The following RORA variants were observed in gnomAD, a reference collection of about 807,000 sequenced individuals.
RORA encodes the protein nuclear receptor ROR-alpha.
A neutral mutation model predicts 69.5 loss-of-function variants in RORA; 7 were observed. That is an observed-to-expected ratio of 0.10 (90% CI 0.06 to 0.19). RORA has a LOEUF of 0.19. Ranked by LOEUF, RORA falls within the 10% of genes least tolerant of loss-of-function variation. The pLI, the probability that RORA is intolerant of heterozygous loss-of-function variation, is 1.00. For missense variants in RORA, 457 were observed against 663.0 expected, an observed-to-expected ratio of 0.69 and a Z score of 3.41; for synonymous variants, 261 against 240.8, an observed-to-expected ratio of 1.08 and a Z score of -0.78.
intron 1 of RORA, among the ~76,000 whole-genome samples, chr15:60,686,553 C>T (rs2070751920): frequency 6.6e-6 from 1 of 152,180 alleles, no homozygotes; most frequent in African/African-American, 2.4e-5. Context: ...GAGGTGTGAA[C>T]TGATATCAAC....
At chr15:61,096,118 C>T (rs1265701443) in intron 1 of RORA, among the ~76,000 whole-genome samples, 1 of 152,166 alleles carries the variant, frequency 6.6e-6, no homozygotes, top group Non-Finnish European at 1.5e-5. Context: ...ATGAGGAAGG[C>T]AAGACCCCAT....
intron 1 of RORA, among the ~76,000 whole-genome samples, chr15:61,093,289 T>C (rs781674372): frequency 3.3e-5 from 5 of 152,226 alleles, no homozygotes; most frequent in Non-Finnish European, 7.3e-5. Flanking sequence ...TATGAACGCA[T>C]TAGGTGCCAC....
chr15:60,767,773 A>G (rs1409814267), intron 1 of RORA, among the ~76,000 whole-genome samples: 1 of 152,222 alleles, frequency 6.6e-6, no homozygotes, highest in Non-Finnish European at 1.5e-5. Flanking sequence ...CAAAACCAAG[A>G]ATAATTGTTA....
chr15:61,059,950 GA>G, intron 1 of RORA, among the ~76,000 whole-genome samples: 1 of 137,522 alleles, frequency 7.3e-6, no homozygotes, highest in African/African-American at 2.8e-5. Context: ...AGAAGAAGAA[GA>G]AGAAGAAGAA....
chr15:60,502,438 C>T (rs1398537119), intron 8 of RORA, among the ~76,000 whole-genome samples: 1 of 152,086 alleles, frequency 6.6e-6, no homozygotes, highest in Non-Finnish European at 1.5e-5. Flanking sequence ...AGCTCACATC[C>T]TAAAGGTCAT....
chr15:61,078,439 TC>T (rs1024777886), intron 1 of RORA, among the ~76,000 whole-genome samples: 2 of 151,896 alleles, frequency 1.3e-5, no homozygotes, highest in African/African-American at 4.8e-5. Context: ...CCTCAAGTGA[TC>T]CGCTTGCCTT....
rs748747176 is a variant in RORA at position 61,059,932 on chromosome 15, GAAC to G, written c.166+169118_166+169120del. Among the ~76,000 whole-genome samples, 877 of 99,702 alleles carry G rather than the reference GAAC, an allele frequency of 8.8e-3. 12 individuals are homozygous for G. Among genetic ancestry groups the G allele is most frequent in the South Asian group, 0.016 (43 of 2,686 alleles). 65.4% of individuals were successfully genotyped at this position (99,702 alleles called of 152,430 possible). A position where few individuals can be genotyped will look rare whatever the true frequency, so the allele number is the denominator to read the frequency against. Reference sequence around the variant, plus strand: ...CGAAGAAGAAGAAGAAGAAGAAGAAGAACAAGAAGAAGAAGAAGAAGAAGAAGA... The same window carrying G: ...CGAAGAAGAAGAAGAAGAAGAAGAAGAAGAAGAAGAAGAAGAAGAAGAAGA... On this transcript the variant is annotated intron_variant, in intron 1 of 10. Transcript: ENST00000335670.
chr15:60,934,485 GT>G (rs1402666857), intron 1 of RORA, among the ~76,000 whole-genome samples: 9 of 151,844 alleles, frequency 5.9e-5, no homozygotes, highest in East Asian at 5.8e-4. Context: ...TGTTGTTGTT[GT>G]TGTTGTTGTT....
At chr15:60,499,806 C>T in intron 10 of RORA, 86 bp downstream of exon 10, 1 of 721,968 alleles carries the variant, frequency 1.4e-6, no homozygotes, top group Non-Finnish European at 2.4e-6. Flanking sequence ...GGGAATTGGT[C>T]ATATGACTTA....
At chr15:60,825,735 G>T (rs1173085407) in intron 1 of RORA, among the ~76,000 whole-genome samples, 1 of 152,170 alleles carries the variant, frequency 6.6e-6, no homozygotes, top group Non-Finnish European at 1.5e-5. Context: ...GTGACATACA[G>T]GAATTGGGTT....
At chr15:60,750,947 C>T (rs913023866) in intron 1 of RORA, among the ~76,000 whole-genome samples, 2 of 152,142 alleles carry the variant, frequency 1.3e-5, no homozygotes, top group African/African-American at 4.8e-5. Context: ...ATGTCCCTCT[C>T]GTTACCCCAC....
intron 3 of RORA, among the ~76,000 whole-genome samples, chr15:60,520,610 C>A (rs1396643959): frequency 6.6e-6 from 1 of 151,778 alleles, no homozygotes; most frequent in Non-Finnish European, 1.5e-5. Flanking sequence ...AGAAATCCTG[C>A]AAAAGGATTA....
At chr15:60,933,677 G>T (rs1020031517) in intron 1 of RORA, among the ~76,000 whole-genome samples, 9 of 152,158 alleles carry the variant, frequency 5.9e-5, no homozygotes, top group Non-Finnish European at 7.3e-5. Context: ...TCATGCCAGG[G>T]TATACACATC....
At chr15:60,807,015 C>A (rs1244086424) in intron 1 of RORA, among the ~76,000 whole-genome samples, 1 of 152,012 alleles carries the variant, frequency 6.6e-6, no homozygotes, top group African/African-American at 2.4e-5. Flanking sequence ...ACAAGGATGC[C>A]CACTTTTACC....
At chr15:61,214,903 T>TC (rs2080025152) in intron 1 of RORA, among the ~76,000 whole-genome samples, 1 of 144,510 alleles carries the variant, frequency 6.9e-6, no homozygotes, top group African/African-American at 2.6e-5. Context: ...TCTTGCTGTG[T>TC]CCCCAGGCTG....
chr15:61,134,434 G>A (rs1027120469), intron 1 of RORA, among the ~76,000 whole-genome samples: 1 of 152,192 alleles, frequency 6.6e-6, no homozygotes, highest in African/African-American at 2.4e-5. Context: ...AAGGCCAGAG[G>A]TTCTAACAGC....
intron 1 of RORA, among the ~76,000 whole-genome samples, chr15:61,057,153 CGAAGGGAGAGAGAG>C (rs962286370): frequency 3.9e-5 from 6 of 152,172 alleles, no homozygotes; most frequent in Admixed American, 1.3e-4. Flanking sequence ...ACTCGACAGG[CGAAGGGAGAGAGAG>C]GAAGGGAGAG....
rs142634112 is a variant in RORA, at chr15:61,006,249, G to A, written c.166+222804C>T. ...CCCAAAGTGCTGGGATTACAGGCAT[G>A]AGCCACCGTGCCCGGCCGTAATATT... On this transcript the variant is annotated intron_variant, in intron 1 of 10. Transcript: ENST00000335670. Among the ~76,000 whole-genome samples the A allele has an allele frequency of 4.7e-3, 710 of 152,234 alleles. 5 individuals are homozygous for A. Among genetic ancestry groups the A allele is most frequent in the African/African-American group, 0.016 (661 of 41,538 alleles).
chr15:60,847,102 T>C (rs1181160371), intron 1 of RORA, among the ~76,000 whole-genome samples: 2 of 152,198 alleles, frequency 1.3e-5, no homozygotes, highest in African/African-American at 2.4e-5. Flanking sequence ...ACCCTCTCAT[T>C]GCTTCATTGA....
Sources: gnomAD v4.1 joint callset for allele counts (sites outside exome capture counted in the v4.1 genomes callset) on GRCh38, gnomAD v4.1.1 for gene constraint, MANE v1.5 for transcripts, NCBI Gene and HGNC (gene_info 2026-07-23, HGNC 2026-07-21) for gene names.